The following NCAM2 variants were observed in gnomAD, a reference collection of about 807,000 sequenced individuals.
NCAM2 encodes N-CAM-2.
Under a neutral mutation model 98.1 loss-of-function variants are expected in NCAM2, and 30 were observed. The observed-to-expected ratio is 0.31, with a 90% CI of 0.23 to 0.41. The LOEUF (loss-of-function observed/expected upper bound fraction) is 0.41, where lower values mean the gene tolerates loss of function less well. Ranked by LOEUF, NCAM2 falls within the 10% of genes least tolerant of loss-of-function variation. NCAM2 has a pLI of 1.00. For synonymous variants in NCAM2, 368 were observed against 342.4 expected (o/e 1.07, Z -0.83); for missense variants, 867 against 1,005.8 (o/e 0.86, Z 1.87).
chr21:21,043,882 G>A (rs6518052), intron 1 of NCAM2, among the ~76,000 whole-genome samples: 140,437 of 149,264 alleles, frequency 0.94, 66,682 homozygotes, highest in East Asian at 1. Flanking sequence ...AAAGAAAGTA[G>A]ATATGTGAAT....
intron 1 of NCAM2, among the ~76,000 whole-genome samples, chr21:21,106,153 A>G (rs2066340685): frequency 6.6e-6 from 1 of 151,896 alleles, no homozygotes; most frequent in Admixed American, 6.6e-5. Context: ...CAAAAAATTT[A>G]AAAACTTAGT....
chr21:21,147,491 C>A (rs2067314126), intron 1 of NCAM2, among the ~76,000 whole-genome samples: 1 of 151,426 alleles, frequency 6.6e-6, no homozygotes, highest in Non-Finnish European at 1.5e-5. Context: ...CTCACTGTAG[C>A]CTCAATATAC....
chr21:21,535,914 A>G (rs1312231681), intron 17 of NCAM2, among the ~76,000 whole-genome samples: 1 of 152,158 alleles, frequency 6.6e-6, no homozygotes, highest in Non-Finnish European at 1.5e-5. Flanking sequence ...GAAACAAACT[A>G]TCAATTTGGT....
intron 11 of NCAM2, among the ~76,000 whole-genome samples, chr21:21,425,856 A>G (rs951081408): frequency 2.6e-5 from 4 of 152,194 alleles, no homozygotes; most frequent in Admixed American, 6.5e-5. Flanking sequence ...TAAGCTCACA[A>G]TGTTTCTTGC....
intron 1 of NCAM2, among the ~76,000 whole-genome samples, chr21:21,222,166 A>C (rs568721776): frequency 2.6e-5 from 4 of 152,170 alleles, no homozygotes; most frequent in Non-Finnish European, 5.9e-5. Context: ...GATTCTTTCA[A>C]ATATTACTGA....
intron 1 of NCAM2, among the ~76,000 whole-genome samples, chr21:21,006,293 G>A (rs1228150374): frequency 6.6e-6 from 1 of 152,132 alleles, no homozygotes; most frequent in East Asian, 1.9e-4. Flanking sequence ...GGTTGCTTGA[G>A]ATCAGAAGTT....
chr21:21,147,550 A>C (rs546317117), intron 1 of NCAM2, among the ~76,000 whole-genome samples: 6 of 151,396 alleles, frequency 4.0e-5, no homozygotes, highest in African/African-American at 1.5e-4. Flanking sequence ...GTATACATAC[A>C]TGCCGTGGTA....
intron 8 of NCAM2, among the ~76,000 whole-genome samples, chr21:21,343,279 C>A (rs2075094646): frequency 6.6e-6 from 1 of 150,586 alleles, no homozygotes; most frequent in African/African-American, 2.4e-5. Context: ...GGGAGGGGAG[C>A]AAAATGGCAG....
At chr21:21,229,447 A>ACTT (rs2070530059) in intron 1 of NCAM2, among the ~76,000 whole-genome samples, 1 of 151,502 alleles carries the variant, frequency 6.6e-6, no homozygotes, top group African/African-American at 2.4e-5. Context: ...ATTAATAAAT[A>ACTT]CTTTCTATTG....
intron 1 of NCAM2, among the ~76,000 whole-genome samples, chr21:21,189,692 C>T (rs535653515): frequency 1.3e-5 from 2 of 152,288 alleles, no homozygotes; most frequent in African/African-American, 4.8e-5. Flanking sequence ...TTATATTGCT[C>T]TTAAATCCTC....
intron 1 of NCAM2, among the ~76,000 whole-genome samples, chr21:21,068,617 G>A (rs934224546): frequency 1.3e-5 from 2 of 151,920 alleles, no homozygotes; most frequent in African/African-American, 4.8e-5. Context: ...GTGCCACCAT[G>A]CCTGGCTAAT....
Position 21,538,001 on chromosome 21 carries a change from G to T in NCAM2, c.*44G>T. The T allele has an allele frequency of 8.5e-7, 1 of 1,181,240 alleles. No homozygotes were observed. Among genetic ancestry groups the T allele is most frequent in the Non-Finnish European group, 1.2e-6 (1 of 839,390 alleles). The allele number at this position is 1,181,240 out of a possible 1,614,324, so 73.2% of individuals were successfully genotyped here. On this transcript the variant is annotated 3_prime_UTR_variant, in exon 18 of 18. Transcript: ENST00000400546. ...TTGAACAACACTACGAAGAGTATTT[G>T]GATTGCGTGACCCTATGACCAAAAC...
chr21:21,432,392 G>T, intron 12 of NCAM2, 111 bp downstream of exon 12: 1 of 953,718 alleles, frequency 1.0e-6, no homozygotes, highest in Middle Eastern at 3.2e-4. Flanking sequence ...TAATAAAATG[G>T]TGTTGGGAAG....
chr21:21,239,407 A>G (rs2070977334), intron 1 of NCAM2: 1 of 152,172 alleles, frequency 6.6e-6, no homozygotes. Context: ...TCATCTATAT[A>G]TAGGGTATGG....
At chr21:21,466,416 AGAG>A (rs1381651538) in intron 12 of NCAM2, among the ~76,000 whole-genome samples, 187 bp from the exon 13 acceptor site, 1 of 151,998 alleles carries the variant, frequency 6.6e-6, no homozygotes, top group Non-Finnish European at 1.5e-5. Flanking sequence ...GAGGTGAAGA[AGAG>A]AACTATTCAC....
chr21:21,417,600 C>T (rs1007780422), intron 10 of NCAM2, among the ~76,000 whole-genome samples: 1 of 152,022 alleles, frequency 6.6e-6, no homozygotes, highest in Non-Finnish European at 1.5e-5. Flanking sequence ...ATATCTATTA[C>T]TATCATCAAA....
intron 1 of NCAM2, among the ~76,000 whole-genome samples, chr21:21,016,244 T>C (rs1419658655): frequency 6.6e-6 from 1 of 152,176 alleles, no homozygotes; most frequent in Admixed American, 6.5e-5. Context: ...GACGTGTCCA[T>C]CTTGCAAGGA....
Position 21,053,528 on chromosome 21 carries a change from AT to A in NCAM2, c.55+54911del, listed in dbSNP as rs765883650. 4.3e-4 allele frequency among the ~76,000 whole-genome samples: 66 copies of A among 151,784 alleles called. 2 individuals carry two copies. The highest frequency in any genetic ancestry group is 3.1e-4 in the Non-Finnish European group (21 of 67,788). The stretch of plus-strand genomic sequence containing the variant: ...ACTCTGAAGGTCAACTTTGTAGACT[AT>A]GTGTTATTTTTAAAAATTAATTGTT... On this transcript the variant is annotated intron_variant, in intron 1 of 17. Coordinates refer to ENST00000400546, the MANE Select transcript of NCAM2 (RefSeq NM_004540.5).
At chr21:21,122,616 G>T (rs2066698630) in intron 1 of NCAM2, among the ~76,000 whole-genome samples, 1 of 152,150 alleles carries the variant, frequency 6.6e-6, no homozygotes, top group South Asian at 2.1e-4. Context: ...CCAGTTAGTT[G>T]GTGGGTTGAC....
Sources: gnomAD v4.1 joint callset for allele counts (sites outside exome capture counted in the v4.1 genomes callset) on GRCh38, gnomAD v4.1.1 for gene constraint, MANE v1.5 for transcripts, NCBI Gene and HGNC (gene_info 2026-07-23, HGNC 2026-07-21) for gene names.